DDHD1: variants seen among roughly 807,000 people sequenced by gnomAD.
DDHD1 encodes the protein phospholipase DDHD1.
A neutral mutation model predicts 96.4 loss-of-function variants in DDHD1; 49 were observed. The ratio of observed to expected loss-of-function variants is 0.51; its 90% CI spans 0.40 to 0.64. The LOEUF (loss-of-function observed/expected upper bound fraction) is 0.64. Among genes scored for constraint, DDHD1 ranks in the 30% least tolerant of loss-of-function variants. The pLI, the probability that DDHD1 is intolerant of heterozygous loss-of-function variation, is 0.00. For missense variants in DDHD1, 1,106 were observed against 1,161.2 expected (o/e 0.95, Z 0.69); for synonymous variants, 442 against 446.5 (o/e 0.99, Z 0.13).
intron 1 of DDHD1, among the ~76,000 whole-genome samples, chr14:53,132,563 T>A (rs147148210): frequency 6.6e-6 from 1 of 152,266 alleles, no homozygotes; most frequent in Admixed American, 6.5e-5. Context: ...CTGTCTTAAC[T>A]CAGGCCCTCA....
chr14:53,132,512 C>A (rs1278589807), intron 1 of DDHD1, among the ~76,000 whole-genome samples: 2 of 152,160 alleles, frequency 1.3e-5, no homozygotes, highest in Non-Finnish European at 2.9e-5. Flanking sequence ...CTGAGTCTAC[C>A]GCTCTGCCCC....
intron 4 of DDHD1, among the ~76,000 whole-genome samples, chr14:53,079,710 A>AATAC (rs1287774046): frequency 1.3e-5 from 2 of 152,204 alleles, no homozygotes; most frequent in Non-Finnish European, 1.5e-5. Context: ...GAACCAGAGT[A>AATAC]ATACATACAG....
chr14:53,060,288 C>G (rs766925521), intron 8 of DDHD1, among the ~76,000 whole-genome samples: 4 of 152,208 alleles, frequency 2.6e-5, no homozygotes, highest in Non-Finnish European at 4.4e-5. Context: ...ATAGTCTAGT[C>G]AATGCTGACA....
At chr14:53,114,463 TGACA>T (rs891666070) in intron 1 of DDHD1, among the ~76,000 whole-genome samples, 21 of 152,302 alleles carry the variant, frequency 1.4e-4, no homozygotes, top group African/African-American at 5.1e-4. Flanking sequence ...CAACAGGGTC[TGACA>T]GACACCTCAT....
intron 2 of DDHD1, among the ~76,000 whole-genome samples, chr14:53,098,734 T>C (rs548398723): frequency 6.6e-6 from 1 of 152,076 alleles, no homozygotes. Flanking sequence ...GTACGGGGTA[T>C]ATTTATTCAG....
At chr14:53,128,037 G>A (rs774070913) in intron 1 of DDHD1, among the ~76,000 whole-genome samples, 4 of 152,280 alleles carry the variant, frequency 2.6e-5, no homozygotes, top group South Asian at 4.1e-4. Flanking sequence ...GAGTTCTCAC[G>A]AGATCTAATG....
chr14:53,152,783 C>A lies in DDHD1; in HGVS notation c.316G>T (p.Gly106Cys), dbSNP rs771158527. The change falls in exon 1 of 13, where the codon GGT (glycine) becomes TGT (cysteine). Residue 106 changes from glycine (G) to cysteine (C), a missense_variant. By Grantham distance (159) the Gly-to-Cys change is radical. This residue lies in a region of DDHD1 where 456 missense variants were observed against 402.4 expected (regional missense o/e 1.13). Coordinates refer to ENST00000673822, the MANE Select transcript of DDHD1 (RefSeq NM_001160148.2). ...GAGCTGCCGCCGCCGCCGCTCTCAC[C>A]CTCGCTGTAGTAGCGCAGCGAGGAG... The part of the protein sequence containing the change: ...SGSSLRYYSE[G>C]ESGGGGSSLS... 2.5e-6 allele frequency: 4 copies of A among 1,586,228 alleles called. No individual in the cohort carries two copies. The highest frequency in any genetic ancestry group is 3.4e-6 in the Non-Finnish European group (4 of 1,169,338).
At chr14:53,083,673 C>G (rs551997586) in intron 4 of DDHD1, among the ~76,000 whole-genome samples, 1 of 152,318 alleles carries the variant, frequency 6.6e-6, no homozygotes, top group African/African-American at 2.4e-5. Flanking sequence ...ACACAAGCTT[C>G]AGGATGGCAC....
intron 4 of DDHD1, among the ~76,000 whole-genome samples, chr14:53,083,955 A>G (rs1450071013): frequency 6.6e-6 from 1 of 152,138 alleles, no homozygotes; most frequent in Non-Finnish European, 1.5e-5. Context: ...CCTGCTTCCA[A>G]TAATAGCTCT....
intron 4 of DDHD1, among the ~76,000 whole-genome samples, chr14:53,074,274 C>G (rs1884767938): frequency 6.6e-6 from 1 of 151,092 alleles, no homozygotes; most frequent in Non-Finnish European, 1.5e-5. Context: ...TAAAATTGAC[C>G]CTTTTCTCCC....
rs1291877674 is a variant in DDHD1, at chr14:53,040,700, TA to T, written c.*6067del. On this transcript the variant is annotated 3_prime_UTR_variant, in exon 13 of 13. Coordinates refer to ENST00000673822, the MANE Select transcript of DDHD1 (RefSeq NM_001160148.2). ...AAAACAGAAATAATGCATGCTTCAG[TA>T]AAACTGAAGATTCTGAGAAAACTAA... 6.6e-6 allele frequency: 1 copy of T among 152,166 alleles called. No homozygotes were observed. The highest frequency in any genetic ancestry group is 1.5e-5 in the Non-Finnish European group (1 of 68,034). 9.4% of individuals were successfully genotyped at this position (152,166 alleles called of 1,614,324 possible). A position where few individuals can be genotyped will look rare whatever the true frequency, so the allele number is the denominator to read the frequency against.
Position 53,152,724 on chromosome 14 carries a change from C to A in DDHD1, c.375G>T (p.Leu125=). 1.2e-6 allele frequency: 2 copies of A among 1,604,296 alleles called. No individual in the cohort carries two copies. Among genetic ancestry groups the A allele is most frequent in the Non-Finnish European group, 1.7e-6 (2 of 1,175,380 alleles). ...LSLHPPQQPP[L]VPTNSGGGGA... ...CGCCGCCCCCCGAGTTCGTCGGGAC[C>A]AGCGGAGGCTGCTGCGGCGGGTGCA... The change falls in exon 1 of 13, where the codon CTG becomes CTT. Residue 125 remains leucine (L), a synonymous_variant. Coordinates refer to ENST00000673822, the MANE Select transcript of DDHD1 (RefSeq NM_001160148.2).
At chr14:53,051,125 T>G (rs983155497) in intron 12 of DDHD1, among the ~76,000 whole-genome samples, 1 of 151,294 alleles carries the variant, frequency 6.6e-6, no homozygotes, top group African/African-American at 2.4e-5. Flanking sequence ...AAAATGAGAT[T>G]TGGTTAAAAC....
At chr14:53,062,835 T>C (rs1883705734) in intron 7 of DDHD1, 108 bp downstream of exon 7, 6 of 1,199,092 alleles carry the variant, frequency 5.0e-6, no homozygotes, top group Middle Eastern at 2.3e-4. Flanking sequence ...TCTTTGTATC[T>C]TGAACAATGC....
chr14:53,152,112 C>CGAA, intron 1 of DDHD1, 149 bp downstream of exon 1: 8 of 835,474 alleles, frequency 9.6e-6, no homozygotes, highest in Admixed American at 6.3e-5. Flanking sequence ...CAGCTGCCGA[C>CGAA]GCTCCCTGCT....
At chr14:53,139,641 A>T (rs560398321) in intron 1 of DDHD1, among the ~76,000 whole-genome samples, 2 of 152,174 alleles carry the variant, frequency 1.3e-5, no homozygotes, top group South Asian at 2.1e-4. Context: ...AGCTGAGATC[A>T]TGCCACTGCA....
At chr14:53,069,405 G>T (rs1177289954) in intron 6 of DDHD1, among the ~76,000 whole-genome samples, 2 of 152,142 alleles carry the variant, frequency 1.3e-5, no homozygotes, top group Admixed American at 6.5e-5. Flanking sequence ...TGGCAACCCT[G>T]GTGCCACTTT....
At chr14:53,115,248 T>C (rs1034146567) in intron 1 of DDHD1, among the ~76,000 whole-genome samples, 1 of 152,152 alleles carries the variant, frequency 6.6e-6, no homozygotes, top group Non-Finnish European at 1.5e-5. Context: ...AACCTAAGTT[T>C]AACTGGTATA....
intron 6 of DDHD1, among the ~76,000 whole-genome samples, chr14:53,063,509 T>C (rs1595106221): frequency 6.6e-6 from 1 of 151,876 alleles, no homozygotes; most frequent in African/African-American, 2.4e-5. Context: ...CAAAGTTCTA[T>C]GCAAATACCA....
Sources: gnomAD v4.1 joint callset for allele counts (sites outside exome capture counted in the v4.1 genomes callset) on GRCh38, gnomAD v4.1.1 for gene constraint, gnomAD v4.1.1 regional missense constraint, MANE v1.5 for transcripts, NCBI Gene and HGNC (gene_info 2026-07-23, HGNC 2026-07-21) for gene names.